SPATA6: variants seen among roughly 807,000 people sequenced by gnomAD.
The protein encoded by SPATA6 is spermatogenesis-associated protein 6.
A neutral mutation model predicts 65.3 loss-of-function variants in SPATA6; 56 were observed. That is an observed-to-expected ratio of 0.86 (90% CI 0.69 to 1.07). SPATA6 has a LOEUF of 1.07. SPATA6 is among the 50% of genes least tolerant of loss of function. The probability of loss-of-function intolerance (pLI) is 0.00; values close to 1 mark genes in which losing one functional copy is unlikely to be tolerated. For missense variants in SPATA6, 590 were observed against 594.8 expected, an observed-to-expected ratio of 0.99 and a Z score of 0.08; for synonymous variants, 199 against 213.2, an observed-to-expected ratio of 0.93 and a Z score of 0.58.
chr1:48,428,769 GTA>G (rs1213453271), intron 3 of SPATA6, among the ~76,000 whole-genome samples: 6 of 127,906 alleles, frequency 4.7e-5, no homozygotes, highest in African/African-American at 1.9e-4. Context: ...CTGTATAGGT[GTA>G]TATATGTGTG....
chr1:48,312,303 G>A (rs1422718790), intron 11 of SPATA6, among the ~76,000 whole-genome samples: 1 of 152,178 alleles, frequency 6.6e-6, no homozygotes, highest in Non-Finnish European at 1.5e-5. Context: ...CAGCCTAACT[G>A]GGAGGCACCC....
chr1:48,307,763 G>A (rs1162903749), intron 11 of SPATA6, among the ~76,000 whole-genome samples: 1 of 151,292 alleles, frequency 6.6e-6, no homozygotes, highest in African/African-American at 2.4e-5. Flanking sequence ...ATATTTTTGG[G>A]ATCTCTTTTA....
At chr1:48,375,855 G>C (rs1018470089) in intron 9 of SPATA6, among the ~76,000 whole-genome samples, 1 of 152,018 alleles carries the variant, frequency 6.6e-6, no homozygotes, top group Non-Finnish European at 1.5e-5. Context: ...GGCAACTTTG[G>C]ATAATTTTTT....
At chr1:48,370,794 G>A (rs1393713776) in intron 9 of SPATA6, among the ~76,000 whole-genome samples, 1 of 152,130 alleles carries the variant, frequency 6.6e-6, no homozygotes, top group Non-Finnish European at 1.5e-5. Context: ...TTATATATGA[G>A]GGATCTATGG....
In SPATA6 at chr1:48,453,038, C is replaced by A; in HGVS notation, c.145G>T (p.Ala49Ser). 2 of 1,613,958 alleles carry A rather than the reference C, an allele frequency of 1.2e-6. No homozygotes were observed. The highest frequency in any genetic ancestry group is 1.7e-6 in the Non-Finnish European group (2 of 1,179,950). The change falls in exon 2 of 13, where the codon GCC (alanine) becomes TCC (serine). Residue 49 changes from alanine (A) to serine (S), a missense_variant. By Grantham distance (99) the Ala-to-Ser change is moderately conservative (BLOSUM62 1). Transcript: ENST00000371847. ...GCATTGAAGACCAGGGGAAAAGTGG[C>A]TGGGACACATTGTGTCTTTTTGTAT... is the stretch of plus-strand genomic sequence containing the variant. ...GQYKKTQCVP[A>S]TFPLVFNARM...
In SPATA6 at chr1:48,338,154, T is replaced by C. The variant is rs567817055; in HGVS notation, c.1194+17516A>G. 4.6e-5 allele frequency among the ~76,000 whole-genome samples: 7 copies of C among 152,074 alleles called. No homozygotes were observed. In the East Asian group the frequency reaches 1.2e-3, roughly 25 times the overall value. The stretch of plus-strand genomic sequence containing the variant: ...AAAATAGAAGAAAATCAAGAATGAC[T>C]CACATATATACAATTGCAATGGAAG... On this transcript the variant is annotated intron_variant, in intron 11 of 12. Coordinates refer to ENST00000371847, the MANE Select transcript of SPATA6 (RefSeq NM_019073.4).
intron 11 of SPATA6, among the ~76,000 whole-genome samples, chr1:48,328,740 T>C (rs1260296732): frequency 1.3e-5 from 2 of 152,196 alleles, no homozygotes; most frequent in Non-Finnish European, 2.9e-5. Context: ...AATGTGTGAA[T>C]TGTATAGTAG....
At chr1:48,390,771 T>G (rs868285271) in intron 8 of SPATA6, among the ~76,000 whole-genome samples, 1 of 152,132 alleles carries the variant, frequency 6.6e-6, no homozygotes, top group African/African-American at 2.4e-5. Context: ...TCAAAAGCAT[T>G]CTATGGTTCT....
At chr1:48,272,804 C>T in the SPATA6 span, among the ~76,000 whole-genome samples, 7 of 151,998 alleles carry the variant, frequency 4.6e-5, no homozygotes, top group East Asian at 5.8e-4. Context: ...TATCTTTTGT[C>T]TTTTTGATAG....
chr1:48,420,636 A>T (rs1280671305), intron 3 of SPATA6, among the ~76,000 whole-genome samples: 1 of 152,118 alleles, frequency 6.6e-6, no homozygotes, highest in Non-Finnish European at 1.5e-5. Flanking sequence ...TGTGTTGATG[A>T]TTGTTGTGGT....
At position 48,295,528 on chromosome 1, in the gene SPATA6, GA is replaced by G. The variant is rs1345147429; in HGVS notation, c.*3184del. On this transcript the variant is annotated 3_prime_UTR_variant, in exon 13 of 13. Transcript: ENST00000371847. Reference sequence around the variant, plus strand: ...TGGTTCCATTTATATGAAATGTCCAGAATAGGCATGGAGACAAAAAGCATAT... The same window carrying G: ...TGGTTCCATTTATATGAAATGTCCAGATAGGCATGGAGACAAAAAGCATAT... 3 of 152,184 alleles carry G rather than the reference GA, an allele frequency of 2.0e-5. No individual in the cohort carries two copies. The highest frequency in any genetic ancestry group is 4.4e-5 in the Non-Finnish European group (3 of 68,014). 9.4% of individuals were successfully genotyped at this position (152,184 alleles called of 1,614,324 possible).
intron 9 of SPATA6, 110 bp from the exon 10 acceptor site, chr1:48,359,880 C>T: frequency 1.3e-6 from 1 of 788,126 alleles, no homozygotes; most frequent in Non-Finnish European, 1.8e-6. Flanking sequence ...TGCACACACA[C>T]ACTAATTTTA....
intron 11 of SPATA6, among the ~76,000 whole-genome samples, chr1:48,342,133 A>C (rs1646232766): frequency 6.6e-6 from 1 of 152,176 alleles, no homozygotes; most frequent in Admixed American, 6.5e-5. Context: ...AGATTTGTAT[A>C]CTATGGGATC....
At chr1:48,464,603 G>C (rs1657677378) in intron 1 of SPATA6, among the ~76,000 whole-genome samples, 1 of 152,172 alleles carries the variant, frequency 6.6e-6, no homozygotes. Context: ...AAGGGCTATT[G>C]CCTCATAAAC....
chr1:48,412,107 A>G (rs986495099), intron 4 of SPATA6, among the ~76,000 whole-genome samples: 1 of 152,096 alleles, frequency 6.6e-6, no homozygotes, highest in African/African-American at 2.4e-5. Context: ...TGATCTGCCC[A>G]CCTTGGCCCC....
chr1:48,379,162 G>C (rs1401453985), intron 9 of SPATA6, among the ~76,000 whole-genome samples: 3 of 152,164 alleles, frequency 2.0e-5, no homozygotes. Flanking sequence ...ATGGCAGAAG[G>C]AGAAACAGGC....
At chr1:48,338,337 C>T (rs996376246) in intron 11 of SPATA6, among the ~76,000 whole-genome samples, 1 of 151,970 alleles carries the variant, frequency 6.6e-6, no homozygotes, top group Non-Finnish European at 1.5e-5. Flanking sequence ...GCTTTAGATA[C>T]ACAGCCATTT....
chr1:48,376,649 T>TTC (rs1299309042), intron 9 of SPATA6, among the ~76,000 whole-genome samples: 2 of 152,128 alleles, frequency 1.3e-5, no homozygotes, highest in Non-Finnish European at 2.9e-5. Flanking sequence ...CAGTCATGTG[T>TTC]TCTCATTGTT....
At chr1:48,311,748 C>T (rs910685144) in intron 11 of SPATA6, among the ~76,000 whole-genome samples, 10 of 152,190 alleles carry the variant, frequency 6.6e-5, no homozygotes, top group South Asian at 6.2e-4. Flanking sequence ...GTGCACCGAG[C>T]GTGAGCCGAA....
Sources: gnomAD v4.1 joint callset for allele counts (sites outside exome capture counted in the v4.1 genomes callset) on GRCh38, gnomAD v4.1.1 for gene constraint, MANE v1.5 for transcripts, NCBI Gene and HGNC (gene_info 2026-07-23, HGNC 2026-07-21) for gene names.